Variants in PDE10A observed in about 807,000 individuals in gnomAD.
PDE10A encodes cAMP and cAMP-inhibited cGMP 3',5'-cyclic phosphodiesterase 10A.
A neutral mutation model predicts 97.7 loss-of-function variants in PDE10A; 39 were observed. That is an observed-to-expected ratio of 0.40 (90% CI 0.31 to 0.52). The LOEUF is 0.52. Ranked by LOEUF, PDE10A falls within the 20% of genes least tolerant of loss-of-function variation. The probability of loss-of-function intolerance (pLI) is 0.56; values close to 1 mark genes in which losing one functional copy is unlikely to be tolerated. For synonymous variants in PDE10A, 371 were observed against 376.8 expected, an observed-to-expected ratio of 0.98 and a Z score of 0.18; for missense variants, 731 against 1,047.8, an observed-to-expected ratio of 0.70 and a Z score of 4.17.
At chr6:165,663,289 C>A (rs1053440012), upstream of PDE10A, among the ~76,000 whole-genome samples, 1 of 151,950 alleles carries the variant, frequency 6.6e-6, no homozygotes, top group East Asian at 1.9e-4. Context: ...CCGCCTTCCG[C>A]GCCCACGTAG....
intron 1 of PDE10A, among the ~76,000 whole-genome samples, chr6:165,685,182 C>A (rs1445344719): frequency 6.6e-6 from 1 of 152,122 alleles, no homozygotes; most frequent in Admixed American, 6.5e-5. Flanking sequence ...ATACCTGACT[C>A]ATCAACACAG....
intron 1 of PDE10A, among the ~76,000 whole-genome samples, chr6:165,759,525 G>A (rs959276445): frequency 6.6e-6 from 1 of 152,150 alleles, no homozygotes; most frequent in Non-Finnish European, 1.5e-5. Context: ...ACCCTACAGA[G>A]CCCACAGTTT....
chr6:165,582,585 CTG>C (rs1249373555), intron 1 of PDE10A, among the ~76,000 whole-genome samples: 1 of 149,858 alleles, frequency 6.7e-6, no homozygotes, highest in Non-Finnish European at 1.5e-5. Context: ...AAAAAAAAAA[CTG>C]AATATAAAAA....
intron 1 of PDE10A, among the ~76,000 whole-genome samples, chr6:165,804,403 GTTTGTTTTGT>G (rs894903125): frequency 4.7e-4 from 71 of 152,228 alleles, no homozygotes; most frequent in African/African-American, 1.7e-3. Flanking sequence ...CGTTTGCTTC[GTTTGTTTTGT>G]TTTGTTTTGT....
chr6:165,387,992 TA>T (rs1785423376), intron 17 of PDE10A, among the ~76,000 whole-genome samples: 1 of 152,228 alleles, frequency 6.6e-6, no homozygotes, highest in Non-Finnish European at 1.5e-5. Flanking sequence ...AAGAATATGA[TA>T]ATCTATATAA....
At chr6:165,460,898 G>A (rs1778285856) in intron 3 of PDE10A, among the ~76,000 whole-genome samples, 1 of 152,318 alleles carries the variant, frequency 6.6e-6, no homozygotes, top group South Asian at 2.1e-4. Context: ...ACCGCTTCAA[G>A]TGGAAAAACA....
chr6:165,638,187 C>G (rs12216010), intron 1 of PDE10A, among the ~76,000 whole-genome samples: 6 of 151,996 alleles, frequency 3.9e-5, no homozygotes, highest in African/African-American at 7.2e-5. Context: ...ACCCTCCCCC[C>G]ACCAAAAAAG....
At chr6:165,537,990 CA>C (rs760822615) in intron 2 of PDE10A, among the ~76,000 whole-genome samples, 2 of 151,854 alleles carry the variant, frequency 1.3e-5, no homozygotes, top group Non-Finnish European at 2.9e-5. Flanking sequence ...AATGTTTTGG[CA>C]AAGTAATTTA....
chr6:165,840,227 G>A (rs1009327238), intron 1 of PDE10A, among the ~76,000 whole-genome samples: 2 of 140,996 alleles, frequency 1.4e-5, no homozygotes, highest in African/African-American at 2.6e-5. Flanking sequence ...TTATCTACAT[G>A]CCTGTCTTCA....
At chr6:165,384,566 T>G (rs986630599) in intron 17 of PDE10A, among the ~76,000 whole-genome samples, 8 of 151,478 alleles carry the variant, frequency 5.3e-5, no homozygotes, top group African/African-American at 1.9e-4. Flanking sequence ...CAAGGCAAGC[T>G]GTGAGCAAAT....
At chr6:165,416,329 T>C (rs1457022933) in intron 11 of PDE10A, 48 bp from the exon 12 acceptor site, 3 of 1,155,322 alleles carry the variant, frequency 2.6e-6, no homozygotes, top group African/African-American at 1.5e-5. Context: ...ATGGACTCTG[T>C]AGAATAATTC....
At chr6:165,794,506 GCTCA>G (rs1173818587) in intron 1 of PDE10A, among the ~76,000 whole-genome samples, 5 of 150,044 alleles carry the variant, frequency 3.3e-5, no homozygotes, top group African/African-American at 7.4e-5. Context: ...ACACTCACAT[GCTCA>G]CTCATACACT....
At chr6:165,824,979 A>AT (rs1349168024) in intron 1 of PDE10A, among the ~76,000 whole-genome samples, 3 of 149,032 alleles carry the variant, frequency 2.0e-5, no homozygotes, top group Non-Finnish European at 4.5e-5. Flanking sequence ...AAAAAAAAAA[A>AT]AAAAAAAAAA....
At chr6:165,415,507 C>A (rs1342954638) in intron 12 of PDE10A, among the ~76,000 whole-genome samples, 1 of 152,164 alleles carries the variant, frequency 6.6e-6, no homozygotes, top group African/African-American at 2.4e-5. Flanking sequence ...ATTGGGTTTG[C>A]AACTCTCCAA....
chr6:165,384,019 CAG>C (rs1347788302), intron 17 of PDE10A, among the ~76,000 whole-genome samples: 2 of 152,082 alleles, frequency 1.3e-5, no homozygotes, highest in African/African-American at 2.4e-5. Context: ...CTGGAACAGA[CAG>C]GGGCCACTCA....
At chr6:165,439,174 T>G (rs1054763934) in intron 5 of PDE10A, among the ~76,000 whole-genome samples, 1 of 152,106 alleles carries the variant, frequency 6.6e-6, no homozygotes, top group Admixed American at 6.6e-5. Flanking sequence ...GCTATTTTCA[T>G]AGAAGGATGA....
intron 6 of PDE10A, among the ~76,000 whole-genome samples, chr6:165,434,702 T>C (rs1401645146): frequency 2.6e-5 from 4 of 152,136 alleles, no homozygotes; most frequent in African/African-American, 4.8e-5. Context: ...ATAGCCTTAC[T>C]GGAAGCGGGT....
intron 18 of PDE10A, among the ~76,000 whole-genome samples, chr6:165,359,358 T>A (rs1023873832): frequency 6.6e-6 from 1 of 152,166 alleles, no homozygotes; most frequent in Admixed American, 6.6e-5. Flanking sequence ...TTTTGAAGAA[T>A]GTTTCTAATG....
At chr6:165,782,294 G>A (rs549588906) in intron 1 of PDE10A, among the ~76,000 whole-genome samples, 2 of 152,318 alleles carry the variant, frequency 1.3e-5, no homozygotes, top group East Asian at 3.9e-4. Flanking sequence ...AAATAGAATT[G>A]CTGATTTAAG....
Sources: gnomAD v4.1 joint callset for allele counts (sites outside exome capture counted in the v4.1 genomes callset) on GRCh38, gnomAD v4.1.1 for gene constraint, MANE v1.5 for transcripts, NCBI Gene and HGNC (gene_info 2026-07-23, HGNC 2026-07-21) for gene names.